Variants in ELFN2 observed in about 807,000 individuals in gnomAD.
ELFN2 encodes the protein extracellular leucine rich repeat and fibronectin type III domain containing 2.
A neutral mutation model predicts 45.5 loss-of-function variants in ELFN2; 17 were observed. The observed-to-expected ratio is 0.37, with a 90% CI of 0.26 to 0.56. The LOEUF (loss-of-function observed/expected upper bound fraction) is 0.56. Ranked by LOEUF, ELFN2 falls within the 20% of genes least tolerant of loss-of-function variation. ELFN2 has a pLI of 0.77. For missense variants in ELFN2, 922 were observed against 1,183.2 expected (o/e 0.78, Z 3.24); for synonymous variants, 550 against 551.5 (o/e 1.00, Z 0.04).
chr22:37,386,903 G>A (rs1486763032), intron 2 of ELFN2, among the ~76,000 whole-genome samples: 3 of 152,218 alleles, frequency 2.0e-5, no homozygotes, highest in African/African-American at 2.4e-5. Context: ...AATCTGTCCT[G>A]GGTCTCGGTT....
chr22:37,362,780 G>A (rs897852705), intron 1 of ELFN2, among the ~76,000 whole-genome samples: 2 of 152,176 alleles, frequency 1.3e-5, no homozygotes, highest in Admixed American at 1.3e-4. Context: ...AACACACCCT[G>A]GTCCACACAC....
chr22:37,344,355 ACACACAAATCTACATGCG>A (rs1320692599), intron 1 of ELFN2, among the ~76,000 whole-genome samples: 3 of 151,386 alleles, frequency 2.0e-5, no homozygotes, highest in African/African-American at 7.3e-5. Context: ...TCCTACACTC[ACACACAAATCTACATGCG>A]CACATACACC....
chr22:37,381,488 C>T (rs1931765460), intron 2 of ELFN2, among the ~76,000 whole-genome samples: 1 of 152,046 alleles, frequency 6.6e-6, no homozygotes, highest in African/African-American at 2.4e-5. Context: ...TGTTCTTCCC[C>T]CAGAATCCCC....
rs745659288 is a variant in ELFN2 at position 37,374,625 on chromosome 22, C to T, written c.910G>A (p.Val304Ile). 58 of 1,613,972 alleles carry T rather than the reference C, an allele frequency of 3.6e-5. No individual in the cohort carries two copies. The highest frequency in any genetic ancestry group is 4.6e-5 in the Non-Finnish European group (54 of 1,179,974). Residue 304 changes from valine to isoleucine, a missense_variant, in exon 3 of 3, where the codon GTC (valine) becomes ATC (isoleucine). Physicochemically the swap from Val to Ile is conservative, Grantham distance 29 (BLOSUM62 3). This residue lies in a region of ELFN2 where 358 missense variants were observed against 540.4 expected (regional missense o/e 0.66). Transcript: ENST00000402918. The part of the protein sequence containing the change: ...SAGPAIKLHH[V>I]TFTSATLVVI... Reference sequence around the variant, plus strand: ...ACCAGGGTGGCCGAGGTGAACGTGACGTGGTGCAGCTTGATGGCTGGCCCT... The same window carrying T: ...ACCAGGGTGGCCGAGGTGAACGTGATGTGGTGCAGCTTGATGGCTGGCCCT...
chr22:37,362,491 C>T (rs898086500), intron 1 of ELFN2, among the ~76,000 whole-genome samples: 1 of 152,212 alleles, frequency 6.6e-6, no homozygotes. Context: ...CAGGGGTTGA[C>T]AGGGCCGGCA....
intron 2 of ELFN2, among the ~76,000 whole-genome samples, chr22:37,399,314 G>C (rs1227915303): frequency 6.6e-6 from 1 of 152,108 alleles, no homozygotes; most frequent in Non-Finnish European, 1.5e-5. Flanking sequence ...AGGACTGGCT[G>C]GCAAGTCTGC....
chr22:37,425,623 T>TA (rs1321096618), intron 1 of ELFN2, among the ~76,000 whole-genome samples: 1 of 152,074 alleles, frequency 6.6e-6, no homozygotes, highest in Non-Finnish European at 1.5e-5. Flanking sequence ...TGACCTCACA[T>TA]ACATACTTTT....
chr22:37,361,137 T>A (rs896177514), intron 1 of ELFN2, among the ~76,000 whole-genome samples: 7 of 152,020 alleles, frequency 4.6e-5, no homozygotes, highest in African/African-American at 1.7e-4. Flanking sequence ...CCACCACAGG[T>A]GCCAGCCAGG....
In ELFN2 at chr22:37,373,212, G is replaced by T; in HGVS notation, c.2323C>A (p.Pro775Thr). The T allele has an allele frequency of 6.2e-7, 1 of 1,613,778 alleles. No homozygotes were observed. Among genetic ancestry groups the T allele is most frequent in the Non-Finnish European group, 8.5e-7 (1 of 1,179,996 alleles). The change falls in exon 3 of 3, where the codon CCC (proline) becomes ACC (threonine). Residue 775 changes from proline (P) to threonine (T), a missense_variant. Pro to Thr is a conservative substitution (Grantham distance 38). Coordinates refer to ENST00000402918, the MANE Select transcript of ELFN2 (RefSeq NM_052906.5). ...TCCTCCCGGTGGTGCTTCTTGTAGG[G>T]CCGGAAGCGCTCCCAGATCTTGTGC... ...STHKIWERFRPYKKHHREEVY... is the reference protein window; with the variant it reads ...STHKIWERFRTYKKHHREEVY...
chr22:37,422,943 C>CG (rs67054331), intron 1 of ELFN2, among the ~76,000 whole-genome samples: 1,149 of 28,976 alleles, frequency 0.04, 55 homozygotes, highest in East Asian at 0.081. Context: ...AACTGGGCCT[C>CG]GGGGGGGGGG....
Position 37,427,442 on chromosome 22 carries a change from CTGTG to C in ELFN2, c.-762_-759del, listed in dbSNP as rs980701150. The C allele has an allele frequency of 6.5e-6, 1 of 152,808 alleles. No individual in the cohort carries two copies. The highest frequency in any genetic ancestry group is 1.5e-5 in the Non-Finnish European group (1 of 68,570). The allele number at this position is 152,808 out of a possible 1,614,324, so 9.5% of individuals were successfully genotyped here. A position where few individuals can be genotyped will look rare whatever the true frequency, so the allele number is the denominator to read the frequency against. ...TGGCCGTGGGGTGGCCCGCGTGTGT[CTGTG>C]TGTGTGTCTGGGAGCGCGCGTGTGC... On this transcript the variant is annotated 5_prime_UTR_variant, in exon 1 of 3. Transcript: ENST00000402918.
intron 2 of ELFN2, among the ~76,000 whole-genome samples, chr22:37,404,407 G>A (rs192526462): frequency 6.6e-6 from 1 of 152,208 alleles, no homozygotes; most frequent in Admixed American, 6.5e-5. Context: ...GAGAGACCAA[G>A]GGGGGAGTTC....
At chr22:37,367,085 C>G (rs556509292), downstream of ELFN2, among the ~76,000 whole-genome samples, 1 of 152,220 alleles carries the variant, frequency 6.6e-6, no homozygotes, top group Non-Finnish European at 1.5e-5. Flanking sequence ...TCCAGAATAC[C>G]CCATAGCAAT....
intron 1 of ELFN2, among the ~76,000 whole-genome samples, chr22:37,346,204 A>G (rs1930692751): frequency 6.6e-6 from 1 of 152,178 alleles, no homozygotes; most frequent in Non-Finnish European, 1.5e-5. Context: ...TTGAAACTCT[A>G]TTATTGTTCT....
chr22:37,359,327 C>T (rs930530516), intron 1 of ELFN2, among the ~76,000 whole-genome samples: 1 of 152,096 alleles, frequency 6.6e-6, no homozygotes, highest in African/African-American at 2.4e-5. Flanking sequence ...TTTGCCCTCA[C>T]TGGCCTGGTC....
intron 2 of ELFN2, among the ~76,000 whole-genome samples, chr22:37,398,335 C>G (rs919434755): frequency 6.6e-6 from 1 of 152,124 alleles, no homozygotes; most frequent in Non-Finnish European, 1.5e-5. Context: ...CTCCTGCAAG[C>G]CTTCGTAGGG....
At chr22:37,355,655 A>C (rs1328921908) in intron 1 of ELFN2, among the ~76,000 whole-genome samples, 1 of 152,156 alleles carries the variant, frequency 6.6e-6, no homozygotes, top group Non-Finnish European at 1.5e-5. Context: ...TCTACACTCA[A>C]GTATCAGCTC....
chr22:37,365,502 G>A (rs1309330993), downstream of ELFN2, among the ~76,000 whole-genome samples: 1 of 152,170 alleles, frequency 6.6e-6, no homozygotes, highest in Non-Finnish European at 1.5e-5. Flanking sequence ...AGCCTGCCCG[G>A]GCTGGAGAGG....
intron 1 of ELFN2, among the ~76,000 whole-genome samples, chr22:37,356,094 G>A (rs1183390143): frequency 6.6e-6 from 1 of 152,212 alleles, no homozygotes; most frequent in Non-Finnish European, 1.5e-5. Flanking sequence ...GTGAGACGGG[G>A]GTTGGGAGAA....
Sources: allele counts gnomAD v4.1 joint callset (sites outside exome capture counted in the v4.1 genomes callset), GRCh38; gene constraint gnomAD v4.1.1; regional missense constraint gnomAD v4.1.1; transcripts MANE v1.5; gene names NCBI Gene and HGNC (gene_info 2026-07-23, HGNC 2026-07-21).